ITGAV: variants seen among roughly 807,000 people sequenced by gnomAD.
The protein encoded by ITGAV is integrin alpha-V.
Under a neutral mutation model 143.8 loss-of-function variants are expected in ITGAV, and 76 were observed. The ratio of observed to expected loss-of-function variants is 0.53; its 90% CI spans 0.44 to 0.64. The LOEUF is 0.64. Ranked by LOEUF, ITGAV falls within the 30% of genes least tolerant of loss-of-function variation. The pLI, the probability that ITGAV is intolerant of heterozygous loss-of-function variation, is 0.00. For synonymous variants in ITGAV, 453 were observed against 446.7 expected (o/e 1.01, Z -0.18); for missense variants, 1,193 against 1,274.7 (o/e 0.94, Z 0.98).
chr2:186,644,486 T>G (rs924217373), intron 12 of ITGAV, among the ~76,000 whole-genome samples: 24 of 151,816 alleles, frequency 1.6e-4, no homozygotes, highest in African/African-American at 5.6e-4. Flanking sequence ...CCACCATGCC[T>G]GGCTAATTTT....
At position 186,659,005 on chromosome 2, in the gene ITGAV, G is replaced by A. The variant is rs541053692; in HGVS notation, c.1720-33G>A. On this transcript the variant is annotated intron_variant, in intron 17 of 29. Transcript: ENST00000261023. ...ATTTCTCCAGATAATTTAGGTTGAC[G>A]TTATCATTAATTCAAAGCGTTTCCA... 101 of 1,562,020 alleles carry A rather than the reference G, an allele frequency of 6.5e-5. No individual in the cohort carries two copies. The South Asian group carries it at 9.2e-4, about 14-fold the overall frequency.
intron 12 of ITGAV, 146 bp from the exon 13 acceptor site, chr2:186,646,540 G>A (rs1033548655): frequency 1.4e-5 from 8 of 570,988 alleles, no homozygotes; most frequent in Non-Finnish European, 2.5e-5. Flanking sequence ...ATTAAGATCT[G>A]TACAAATAAT....
chr2:186,642,966 A>T (rs1203370793), intron 12 of ITGAV, among the ~76,000 whole-genome samples: 1 of 152,228 alleles, frequency 6.6e-6, no homozygotes, highest in Non-Finnish European at 1.5e-5. Context: ...TCATAATAAA[A>T]TGTGAAAAGA....
chr2:186,591,404 TAGG>T (rs534037768), intron 1 of ITGAV, among the ~76,000 whole-genome samples: 48 of 152,348 alleles, frequency 3.2e-4, no homozygotes, highest in African/African-American at 1.0e-3. Flanking sequence ...ATGTTAGCGT[TAGG>T]AGTACTGTTT....
chr2:186,668,946 A>G (rs1367807191), intron 25 of ITGAV, 26 bp downstream of exon 25: 3 of 1,530,436 alleles, frequency 2.0e-6, no homozygotes, highest in Non-Finnish European at 2.7e-6. Flanking sequence ...GCAGCTCTTC[A>G]TTACAATGAT....
chr2:186,663,963 C>A, intron 19 of ITGAV, 128 bp downstream of exon 19: 1 of 640,162 alleles, frequency 1.6e-6, no homozygotes, highest in South Asian at 2.0e-5. Flanking sequence ...TTTTCTATAA[C>A]ACTAAAACTA....
At chr2:186,639,029 A>G (rs1688030677) in intron 10 of ITGAV, among the ~76,000 whole-genome samples, 1 of 151,972 alleles carries the variant, frequency 6.6e-6, no homozygotes, top group East Asian at 1.9e-4. Context: ...AATGCCTTAT[A>G]ATTTTATTAG....
chr2:186,629,125 A>G (rs368930056), intron 4 of ITGAV, among the ~76,000 whole-genome samples: 8 of 152,220 alleles, frequency 5.3e-5, no homozygotes, highest in African/African-American at 1.4e-4. Context: ...TAATATTACT[A>G]TTTGTAATAT....
intron 4 of ITGAV, among the ~76,000 whole-genome samples, chr2:186,629,990 A>G (rs1162358627): frequency 1.3e-5 from 2 of 152,152 alleles, no homozygotes; most frequent in African/African-American, 4.8e-5. Context: ...GAACAACTAC[A>G]AAAGAGTACA....
At chr2:186,597,886 G>A (rs753417119) in intron 1 of ITGAV, among the ~76,000 whole-genome samples, 21 of 152,138 alleles carry the variant, frequency 1.4e-4, no homozygotes, top group Non-Finnish European at 2.8e-4. Flanking sequence ...GTTTCATCCC[G>A]AAAGCATCCC....
intron 20 of ITGAV, 136 bp from the exon 21 acceptor site, chr2:186,664,990 A>C: frequency 1.6e-6 from 1 of 637,408 alleles, no homozygotes; most frequent in South Asian, 2.0e-5. Context: ...AATTGTACCC[A>C]ATTCTGGCTT....
At chr2:186,608,448 C>T (rs1687126566) in intron 2 of ITGAV, among the ~76,000 whole-genome samples, 1 of 152,136 alleles carries the variant, frequency 6.6e-6, no homozygotes, top group African/African-American at 2.4e-5. Context: ...AGAATCACAA[C>T]AAAAATTTTA....
chr2:186,619,063 G>GTA (rs144761943), intron 2 of ITGAV, among the ~76,000 whole-genome samples: 3,951 of 148,418 alleles, frequency 0.027, 188 homozygotes, highest in African/African-American at 0.092. Flanking sequence ...GTATGTATGT[G>GTA]TATATATATA....
intron 4 of ITGAV, among the ~76,000 whole-genome samples, chr2:186,630,206 TGCTATTCATAATAACAAAG>T (rs1280673316): frequency 6.6e-6 from 1 of 152,042 alleles, no homozygotes; most frequent in Non-Finnish European, 1.5e-5. Context: ...ATCTGTTTGC[TGCTATTCATAATAACAAAG>T]GTCTTAGCGA....
At chr2:186,668,973 T>A (rs1199617962) in intron 25 of ITGAV, 53 bp downstream of exon 25, 9 of 1,403,960 alleles carry the variant, frequency 6.4e-6, no homozygotes, top group African/African-American at 1.5e-5. Flanking sequence ...TTGCCTTCTT[T>A]CTAAACCTGT....
rs1223284945 is a variant in ITGAV at position 186,637,245 on chromosome 2, G to A, written c.802+136G>A. The A allele has an allele frequency of 5.8e-6, 4 of 692,904 alleles. No homozygotes were observed. In the Admixed American group the frequency reaches 8.3e-5, roughly 14 times the overall value. 42.9% of individuals were successfully genotyped at this position (692,904 alleles called of 1,614,324 possible). On this transcript the variant is annotated intron_variant, in intron 8 of 29. Transcript: ENST00000261023. ...GCCTGTAATCTCAGCACTTTGGGAG[G>A]CTGAGGCGGGTGGATCCCTTGAGCC...
chr2:186,637,257 G>T, intron 8 of ITGAV, 148 bp downstream of exon 8: 1 of 654,952 alleles, frequency 1.5e-6, no homozygotes, highest in Non-Finnish European at 2.7e-6. Context: ...TGAGGCGGGT[G>T]GATCCCTTGA....
intron 14 of ITGAV, among the ~76,000 whole-genome samples, chr2:186,650,178 A>G (rs1244710866): frequency 3.9e-5 from 6 of 152,190 alleles, no homozygotes; most frequent in Non-Finnish European, 7.3e-5. Context: ...TGTGTTGGGA[A>G]CATTCAGAAT....
intron 13 of ITGAV, among the ~76,000 whole-genome samples, chr2:186,647,436 A>G (rs1438695734): frequency 6.6e-6 from 1 of 151,926 alleles, no homozygotes; most frequent in Admixed American, 6.6e-5. Context: ...GGTTTTTGCC[A>G]TGTTGCCCAG....
Sources: allele counts gnomAD v4.1 joint callset (sites outside exome capture counted in the v4.1 genomes callset), GRCh38; gene constraint gnomAD v4.1.1; transcripts MANE v1.5; gene names NCBI Gene and HGNC (gene_info 2026-07-23, HGNC 2026-07-21).